CSMD2: variants seen among roughly 807,000 people sequenced by gnomAD.
CSMD2 encodes CUB and Sushi multiple domains 2.
In CSMD2, 130 loss-of-function variants were observed where a neutral mutation model predicts 398.5. The observed-to-expected ratio is 0.33, with a 90% confidence interval of 0.28 to 0.38. The LOEUF (loss-of-function observed/expected upper bound fraction) is 0.38. Among genes scored for constraint, CSMD2 ranks in the 10% least tolerant of loss-of-function variants. The pLI, the probability that CSMD2 is intolerant of heterozygous loss-of-function variation, is 1.00. For missense variants in CSMD2, 3,829 were observed against 4,764.9 expected (o/e 0.80, Z 5.78); for synonymous variants, 1,828 against 1,908.5 (o/e 0.96, Z 1.10).
At position 33,533,011 on chromosome 1, in the gene CSMD2, C is replaced by T. The variant is rs368016507; in HGVS notation, c.10171+39G>A. 2.1e-5 allele frequency: 32 copies of T among 1,551,772 alleles called. No homozygotes were observed. In the African/African-American group the frequency reaches 2.9e-4, roughly 14 times the overall value. On this transcript the variant is annotated intron_variant, in intron 64 of 70. Coordinates refer to ENST00000373381, the MANE Select transcript of CSMD2 (RefSeq NM_001281956.2). This position sits in a 1 kb window ranked among gnomAD's most constrained non-coding sequence, Gnocchi z 4.2. ...CTCAAGTTCAGCCAGCACTTTCAGC[C>T]TCCCGCCCTGGAGAGCTTCCCCGAG...
chr1:33,519,408 G>T lies in CSMD2; in HGVS notation c.*53+57C>A. ...CTCCGTTGGGTGGAGCCCCTGGCACGCATAGGTCCCTGTCTGTGCTTGTCA... is the reference window on the plus strand; with the variant it reads ...CTCCGTTGGGTGGAGCCCCTGGCACTCATAGGTCCCTGTCTGTGCTTGTCA... On this transcript the variant is annotated intron_variant, in intron 70 of 70. Transcript: ENST00000373381. The surrounding 1 kb of genome is among the most constrained non-coding windows in gnomAD (Gnocchi z 5.6). 9.1e-7 allele frequency: 1 copy of T among 1,092,930 alleles called. No homozygotes were observed. The highest frequency in any genetic ancestry group is 1.4e-6 in the Non-Finnish European group (1 of 738,490). The allele number at this position is 1,092,930 out of a possible 1,614,324, so 67.7% of individuals were successfully genotyped here.
chr1:34,082,849 T>C (rs990364488), intron 2 of CSMD2, among the ~76,000 whole-genome samples: 34 of 152,096 alleles, frequency 2.2e-4, no homozygotes, highest in African/African-American at 8.0e-4. Flanking sequence ...ATGTGCTTTG[T>C]TAAACAGATG....
chr1:33,965,470 C>T (rs186919020), intron 3 of CSMD2, among the ~76,000 whole-genome samples: 2 of 152,274 alleles, frequency 1.3e-5, no homozygotes, highest in African/African-American at 4.8e-5. Flanking sequence ...CAAGTTGCTC[C>T]AGCCAAGGCC....
At chr1:33,625,012 G>T (rs1557640480) in intron 34 of CSMD2, 39 bp downstream of exon 34, 4 of 1,594,094 alleles carry the variant, frequency 2.5e-6, no homozygotes, top group African/African-American at 1.3e-5. Context: ...ACTACGTGCC[G>T]CCCCCCGCAC....
intron 5 of CSMD2, among the ~76,000 whole-genome samples, chr1:33,898,163 C>T (rs766723672): frequency 6.6e-5 from 10 of 152,190 alleles, no homozygotes; most frequent in Admixed American, 6.5e-5. Flanking sequence ...CTAAAAAATG[C>T]TATTACTATT....
intron 3 of CSMD2, among the ~76,000 whole-genome samples, chr1:34,003,823 G>C (rs1646975062): frequency 6.6e-6 from 1 of 152,210 alleles, no homozygotes; most frequent in South Asian, 2.1e-4. Flanking sequence ...TAAAAGTCAA[G>C]TCTCAGATTG....
intron 25 of CSMD2, among the ~76,000 whole-genome samples, chr1:33,684,953 T>A (rs953125450): frequency 5.9e-5 from 9 of 152,220 alleles, no homozygotes; most frequent in Admixed American, 3.3e-4. Flanking sequence ...AAACCTCTCA[T>A]CTCTCTACTA....
At chr1:34,120,282 T>C (rs1294815398) in intron 1 of CSMD2, among the ~76,000 whole-genome samples, 1 of 152,182 alleles carries the variant, frequency 6.6e-6, no homozygotes, top group Non-Finnish European at 1.5e-5. Flanking sequence ...AGATGGTGAT[T>C]GTCATGGGCT....
intron 52 of CSMD2, among the ~76,000 whole-genome samples, chr1:33,568,574 A>T (rs1326561845): frequency 6.6e-6 from 1 of 152,222 alleles, no homozygotes; most frequent in Non-Finnish European, 1.5e-5. Flanking sequence ...GTGTTGAAAC[A>T]ACTATGTAAA....
intron 1 of CSMD2, among the ~76,000 whole-genome samples, chr1:34,161,789 C>T (rs554584108): frequency 5.3e-5 from 8 of 152,036 alleles, no homozygotes; most frequent in Admixed American, 5.2e-4. Flanking sequence ...GGGGCAGTGG[C>T]TTAGATAGGT....
intron 5 of CSMD2, among the ~76,000 whole-genome samples, chr1:33,912,335 G>C (rs1570479651): frequency 1.5e-5 from 2 of 133,138 alleles, no homozygotes; most frequent in African/African-American, 5.6e-5. Flanking sequence ...GAAATTGGAG[G>C]GGCAGAGGTT....
intron 1 of CSMD2, among the ~76,000 whole-genome samples, chr1:34,123,142 G>C (rs1662364215): frequency 6.6e-6 from 1 of 152,178 alleles, no homozygotes; most frequent in African/African-American, 2.4e-5. Context: ...CTGATCACTG[G>C]AAAGAATAAG....
At chr1:33,549,433 T>A (rs1657217941) in intron 56 of CSMD2, among the ~76,000 whole-genome samples, 1 of 152,240 alleles carries the variant, frequency 6.6e-6, no homozygotes, top group African/African-American at 2.4e-5. Context: ...ATATTTTAGC[T>A]TGGTGGTTTC....
Position 33,537,683 on chromosome 1 carries a change from C to G in CSMD2, c.9632-74G>C. On this transcript the variant is annotated intron_variant, in intron 60 of 70. Coordinates refer to ENST00000373381, the MANE Select transcript of CSMD2 (RefSeq NM_001281956.2). This position sits in a 1 kb window ranked among gnomAD's most constrained non-coding sequence, Gnocchi z 4.6. The stretch of plus-strand genomic sequence containing the variant: ...CAATCTTCCAGTCCCACACCCCCAT[C>G]TTTGTTCTTTGCACTGCTCCCTTCC... 1.4e-6 allele frequency: 2 copies of G among 1,458,724 alleles called. No homozygotes were observed. The highest frequency in any genetic ancestry group is 4.7e-5 in the East Asian group (2 of 42,592). The allele number at this position is 1,458,724 out of a possible 1,614,324, so 90.4% of individuals were successfully genotyped here.
chr1:34,017,155 AGAAATGAG>A (rs1648245825), intron 3 of CSMD2, among the ~76,000 whole-genome samples: 1 of 152,242 alleles, frequency 6.6e-6, no homozygotes, highest in East Asian at 1.9e-4. Flanking sequence ...GATCACCTCC[AGAAATGAG>A]GAACTCATTA....
rs1397562805 is a variant in CSMD2 at position 34,165,133 on chromosome 1, C to A, written c.-36G>T. ...GCAGCGCCGAGGGAGAGGCTCCGCT[C>A]GCCGCCGAGGAGAAAGGAGGTCAGG... is the stretch of plus-strand genomic sequence containing the variant. On this transcript the variant is annotated 5_prime_UTR_variant, in exon 1 of 71. Transcript: ENST00000373381. 3 of 1,211,482 alleles carry A rather than the reference C, an allele frequency of 2.5e-6. No individual in the cohort carries two copies. The highest frequency in any genetic ancestry group is 4.4e-5 in the Admixed American group (1 of 22,924). 75.0% of individuals were successfully genotyped at this position (1,211,482 alleles called of 1,614,324 possible).
Position 33,633,384 on chromosome 1 carries a change from G to T in CSMD2, c.5200+38C>A. 6.9e-7 allele frequency: 1 copy of T among 1,458,048 alleles called. No homozygotes were observed. Among genetic ancestry groups the T allele is most frequent in the Non-Finnish European group, 9.4e-7 (1 of 1,063,150 alleles). 90.3% of individuals were successfully genotyped at this position (1,458,048 alleles called of 1,614,324 possible). A position where few individuals can be genotyped will look rare whatever the true frequency, so the allele number is the denominator to read the frequency against. On this transcript the variant is annotated intron_variant, in intron 32 of 70. Coordinates refer to ENST00000373381, the MANE Select transcript of CSMD2 (RefSeq NM_001281956.2). The surrounding 1 kb of genome is among the most constrained non-coding windows in gnomAD (Gnocchi z 5.0). ...CCTTTAGCCGGACGTGATGCCCCCG[G>T]CCCACAACCATCCCCACACTGGCCG...
chr1:33,559,053 TA>T lies in CSMD2; in HGVS notation c.8554+246del, dbSNP rs1658307358. ...GATACATTATTTGTTCAATGAAAGG[TA>T]AAAAAGACGACTTGAAAGATAAAAC... On this transcript the variant is annotated intron_variant, in intron 54 of 70. Coordinates refer to ENST00000373381, the MANE Select transcript of CSMD2 (RefSeq NM_001281956.2). This position sits in a 1 kb window ranked among gnomAD's most constrained non-coding sequence, Gnocchi z 4.0. Among the ~76,000 whole-genome samples the T allele has an allele frequency of 6.6e-6, 1 of 152,182 alleles. No individual in the cohort carries two copies. Among genetic ancestry groups the T allele is most frequent in the Non-Finnish European group, 1.5e-5 (1 of 68,026 alleles).
intron 37 of CSMD2, among the ~76,000 whole-genome samples, chr1:33,618,330 C>A (rs1641533394): frequency 6.6e-6 from 1 of 152,076 alleles, no homozygotes; most frequent in Admixed American, 6.5e-5. Context: ...CTAGTCCAGT[C>A]CACCCTGCAC....
Sources: gnomAD v4.1 joint callset for allele counts (sites outside exome capture counted in the v4.1 genomes callset) on GRCh38, gnomAD v4.1.1 for gene constraint, Gnocchi (gnomAD v3.1) non-coding constraint, MANE v1.5 for transcripts, NCBI Gene and HGNC (gene_info 2026-07-23, HGNC 2026-07-21) for gene names.